Variants in ZNF606 observed in about 807,000 individuals in gnomAD.
ZNF606 encodes the protein zinc finger protein 606.
ZNF606 carries 37 observed loss-of-function variants against 74.9 expected under a neutral mutation model. The ratio of observed to expected loss-of-function variants is 0.49; its 90% CI spans 0.38 to 0.65. ZNF606 has a LOEUF of 0.65. ZNF606 is among the 30% of genes least tolerant of loss of function. The pLI is 0.00. For synonymous variants in ZNF606, 328 were observed against 312.4 expected (o/e 1.05, Z -0.53); for missense variants, 852 against 952.9 (o/e 0.89, Z 1.39).
chr19:57,990,976 C>G (rs757096751), intron 4 of ZNF606, among the ~76,000 whole-genome samples: 2 of 152,074 alleles, frequency 1.3e-5, no homozygotes, highest in African/African-American at 2.4e-5. Flanking sequence ...TGTCTCACAA[C>G]CTCGAAGACA....
intron 6 of ZNF606, among the ~76,000 whole-genome samples, chr19:57,985,554 T>C (rs1354104336): frequency 2.0e-5 from 3 of 151,960 alleles, no homozygotes; most frequent in African/African-American, 7.3e-5. Context: ...GTCAAAAAGA[T>C]AGAATGAAAG....
In ZNF606 at chr19:57,988,645, G is replaced by T. The variant is rs1299258940; in HGVS notation, c.254C>A (p.Thr85Asn). ...CTCCAGCATCACATCACGGTACAGG[G>T]TCCTCTGAACAAGGTCCAGCTGCCC... ...EWGQLDLVQR[T>N]LYRDVMLETY... The change falls in exon 5 of 7, where the codon ACC becomes AAC. Residue 85 changes from threonine to asparagine, a missense_variant. Physicochemically the swap from Thr to Asn is moderately conservative, Grantham distance 65. Around this residue, in one of 3 missense-constraint regions of ZNF606, gnomAD observed 545 missense variants for 542.5 expected, o/e 1.00. Transcript: ENST00000551380. 6.2e-7 allele frequency: 1 copy of T among 1,614,100 alleles called. No individual in the cohort carries two copies. Among genetic ancestry groups the T allele is most frequent in the Admixed American group, 1.7e-5 (1 of 60,010 alleles).
At chr19:57,994,610 T>C (rs1035303359) in intron 4 of ZNF606, among the ~76,000 whole-genome samples, 1 of 152,052 alleles carries the variant, frequency 6.6e-6, no homozygotes, top group African/African-American at 2.4e-5. Flanking sequence ...AGTCAGTCCC[T>C]AGAAATCTAG....
chr19:58,003,107 G>A (rs9304809), upstream of ZNF606: 1 of 410,720 alleles, frequency 2.4e-6, no homozygotes, highest in African/African-American at 2.0e-5. Flanking sequence ...TCGTGGTACC[G>A]GGTTTCCCGG....
chr19:58,000,163 A>G, intron 3 of ZNF606: 1 of 511,026 alleles, frequency 2.0e-6, no homozygotes, highest in South Asian at 3.2e-5. Flanking sequence ...CTGAACCCTA[A>G]ACGGCCACAC....
chr19:57,981,454 G>T (rs1388561995), intron 6 of ZNF606, among the ~76,000 whole-genome samples: 2 of 150,232 alleles, frequency 1.3e-5, no homozygotes, highest in African/African-American at 4.9e-5. Flanking sequence ...GGTTAAAAAA[G>T]AAAAAAAAAG....
chr19:57,996,820 A>G (rs910461532), intron 4 of ZNF606, among the ~76,000 whole-genome samples: 1 of 152,220 alleles, frequency 6.6e-6, no homozygotes, highest in African/African-American at 2.4e-5. Flanking sequence ...ATGACTTGCA[A>G]AAGTGTTTCA....
chr19:57,991,933 G>A (rs905652439), intron 4 of ZNF606, among the ~76,000 whole-genome samples: 1 of 152,104 alleles, frequency 6.6e-6, no homozygotes, highest in East Asian at 1.9e-4. Context: ...CCCTGTGCTT[G>A]TCTTACACAT....
intron 4 of ZNF606, among the ~76,000 whole-genome samples, chr19:57,992,596 G>A (rs2073277137): frequency 6.6e-6 from 1 of 152,186 alleles, no homozygotes; most frequent in Non-Finnish European, 1.5e-5. Context: ...ACATATTTTA[G>A]AGACACATAG....
At chr19:57,999,473 G>C in intron 4 of ZNF606, 2 of 405,806 alleles carry the variant, frequency 4.9e-6, no homozygotes, top group Non-Finnish European at 8.8e-6. Context: ...AGGCACAGCA[G>C]GCACTGCACA....
chr19:57,995,728 A>G (rs1219889565), intron 4 of ZNF606, among the ~76,000 whole-genome samples: 1 of 152,172 alleles, frequency 6.6e-6, no homozygotes, highest in East Asian at 1.9e-4. Flanking sequence ...CTGAAGCACA[A>G]GAATCCTTTG....
Position 57,978,183 on chromosome 19 carries a change from A to C in ZNF606, c.*118T>G, listed in dbSNP as rs1383672242. 2 of 1,035,568 alleles carry C rather than the reference A, an allele frequency of 1.9e-6. No homozygotes were observed. The highest frequency in any genetic ancestry group is 2.7e-6 in the Non-Finnish European group (2 of 739,260). The allele number at this position is 1,035,568 out of a possible 1,614,324, so 64.1% of individuals were successfully genotyped here. A position where few individuals can be genotyped will look rare whatever the true frequency, so the allele number is the denominator to read the frequency against. ...TCTTCTAAGATGATATTTTCTAGTA[A>C]ATAATGTGGGAGAAGTCTTACTGAA... is the stretch of plus-strand genomic sequence containing the variant. On this transcript the variant is annotated 3_prime_UTR_variant, in exon 7 of 7. Coordinates refer to ENST00000551380, the MANE Select transcript of ZNF606 (RefSeq NM_001348022.3). This position sits in a 1 kb window ranked among gnomAD's most constrained non-coding sequence, Gnocchi z 4.4.
At chr19:57,987,715 C>T (rs938267605) in intron 6 of ZNF606, among the ~76,000 whole-genome samples, 8 of 152,044 alleles carry the variant, frequency 5.3e-5, no homozygotes, top group African/African-American at 1.9e-4. Context: ...GTAATCCCAG[C>T]TACTCAGGAG....
rs964896917 is a variant in ZNF606 at position 58,002,772 on chromosome 19, G to C, written c.-428C>G. The C allele has an allele frequency of 4.4e-6, 2 of 454,144 alleles. No individual in the cohort carries two copies. The highest frequency in any genetic ancestry group is 4.0e-5 in the African/African-American group (2 of 49,722). 28.1% of individuals were successfully genotyped at this position (454,144 alleles called of 1,614,324 possible). A position where few individuals can be genotyped will look rare whatever the true frequency, so the allele number is the denominator to read the frequency against. On this transcript the variant is annotated 5_prime_UTR_variant, in exon 1 of 7. Transcript: ENST00000551380. ...ACGGCGGCCCCACAGCCTGAGCAAA[G>C]GCCTCACCTCAGCCGCGGACAATGG...
intron 6 of ZNF606, among the ~76,000 whole-genome samples, chr19:57,987,879 C>A (rs1182139457): frequency 1.3e-5 from 2 of 152,074 alleles, no homozygotes; most frequent in Non-Finnish European, 2.9e-5. Flanking sequence ...AAATAAGCAT[C>A]TATAGCTATA....
intron 6 of ZNF606, among the ~76,000 whole-genome samples, chr19:57,985,921 A>G (rs1331294237): frequency 4.4e-4 from 66 of 150,594 alleles, no homozygotes; most frequent in South Asian, 1.7e-3. Context: ...GCGACAGAGC[A>G]AGAGTCTGTC....
chr19:57,993,582 G>C (rs1422878240), intron 4 of ZNF606, among the ~76,000 whole-genome samples: 1 of 152,214 alleles, frequency 6.6e-6, no homozygotes, highest in East Asian at 1.9e-4. Context: ...CAGGGCAGGT[G>C]AAAGTCTGCA....
At chr19:57,988,495 G>C in intron 5 of ZNF606, 100 bp downstream of exon 5, 1 of 1,519,848 alleles carries the variant, frequency 6.6e-7, no homozygotes, top group East Asian at 2.3e-5. Context: ...CAGCTCTTCT[G>C]AGACACCACC....
At position 57,988,305 on chromosome 19, in the gene ZNF606, A is replaced by G. The variant is rs777531169; in HGVS notation, c.305-3T>C. 3 of 1,612,560 alleles carry G rather than the reference A, an allele frequency of 1.9e-6. No individual in the cohort carries two copies. Among genetic ancestry groups the G allele is most frequent in the Non-Finnish European group, 2.5e-6 (3 of 1,179,044 alleles). ...CTCAGGCTTGGCAATCTGATTTCCT[A>G]TGCATGGAGGAAAAGCATGGAAATC... On this transcript the variant is annotated splice_region_variant and splice_polypyrimidine_tract_variant and intron_variant, in intron 5 of 6. Coordinates refer to ENST00000551380, the MANE Select transcript of ZNF606 (RefSeq NM_001348022.3).
Sources: allele counts gnomAD v4.1 joint callset (sites outside exome capture counted in the v4.1 genomes callset), GRCh38; gene constraint gnomAD v4.1.1; regional missense constraint gnomAD v4.1.1; non-coding constraint Gnocchi (gnomAD v3.1); transcripts MANE v1.5; gene names NCBI Gene and HGNC (gene_info 2026-07-23, HGNC 2026-07-21).